SLCO1A2: variants seen among roughly 807,000 people sequenced by gnomAD.
SLCO1A2 encodes solute carrier organic anion transporter family member 1A2.
A neutral mutation model predicts 69.0 loss-of-function variants in SLCO1A2; 67 were observed. The ratio of observed to expected loss-of-function variants is 0.97; its 90% CI spans 0.80 to 1.19. The LOEUF is 1.19. Ranked by LOEUF, SLCO1A2 falls within the 50% of genes most tolerant of loss-of-function variation. SLCO1A2 has a pLI of 0.00. For synonymous variants in SLCO1A2, 260 were observed against 265.9 expected (o/e 0.98, Z 0.22); for missense variants, 787 against 793.7 (o/e 0.99, Z 0.10).
intron 5 of SLCO1A2, among the ~76,000 whole-genome samples, chr12:21,305,841 C>G (rs922546547): frequency 2.0e-5 from 3 of 152,214 alleles, no homozygotes; most frequent in Admixed American, 2.0e-4. Context: ...AAATTCCCAC[C>G]CTTGTGGACT....
chr12:21,305,030 A>T (rs1041655494), intron 5 of SLCO1A2, among the ~76,000 whole-genome samples: 2 of 152,240 alleles, frequency 1.3e-5, no homozygotes, highest in Non-Finnish European at 2.9e-5. Flanking sequence ...CTATATTTAT[A>T]AGATTTAAAC....
At chr12:21,364,466 C>A (rs1939206396) in intron 2 of SLCO1A2, among the ~76,000 whole-genome samples, 1 of 152,164 alleles carries the variant, frequency 6.6e-6, no homozygotes, top group African/African-American at 2.4e-5. Context: ...AAACTGGAAG[C>A]ATTCCCTTTG....
At chr12:21,381,794 CA>C (rs1230475633) in intron 1 of SLCO1A2, among the ~76,000 whole-genome samples, 1 of 150,660 alleles carries the variant, frequency 6.6e-6, no homozygotes, top group Non-Finnish European at 1.5e-5. Context: ...GACTCCGTCT[CA>C]AAAAGAAAAA....
intron 2 of SLCO1A2, among the ~76,000 whole-genome samples, chr12:21,359,709 T>G (rs1346145461): frequency 6.7e-6 from 1 of 150,374 alleles, no homozygotes; most frequent in Non-Finnish European, 1.5e-5. Flanking sequence ...ATCGTGCCAC[T>G]GCACTCCAGC....
chr12:21,334,642 T>C lies in SLCO1A2; in HGVS notation c.6A>G (p.Gly2=). 1 of 1,609,750 alleles carries C rather than the reference T, an allele frequency of 6.2e-7. No homozygotes were observed. The highest frequency in any genetic ancestry group is 8.5e-7 in the Non-Finnish European group (1 of 1,177,588). Residue 2 remains glycine, a synonymous_variant, in exon 2 of 15, where the codon GGA becomes GGG. Transcript: ENST00000683939. ...GGGTTTCAATTCTTTTCTCAGTTTCTCCCATGTTGCTCTTCAGGGTGTTCC... is the reference window on the plus strand; with the variant it reads ...GGGTTTCAATTCTTTTCTCAGTTTCCCCCATGTTGCTCTTCAGGGTGTTCC... M[G]ETEKRIETHR...
At chr12:21,294,270 T>C (rs1947370582) in intron 10 of SLCO1A2, 160 bp from the exon 11 acceptor site, 3 of 522,396 alleles carry the variant, frequency 5.7e-6, no homozygotes, top group Non-Finnish European at 9.8e-6. Context: ...AGCTTTGGTA[T>C]AAAAGAGACC....
In SLCO1A2 at chr12:21,319,585, GT is replaced by G; in HGVS notation, c.61-663del. On this transcript the variant is annotated intron_variant, in intron 2 of 14. Coordinates refer to ENST00000683939, the MANE Select transcript of SLCO1A2 (RefSeq NM_001386879.1). ...GTATTTTCAGGGTTTCTCAGCTGCAGTGTAAATGGAGGACCACACAAAAATG... is the reference window on the plus strand; with the variant it reads ...GTATTTTCAGGGTTTCTCAGCTGCAGGTAAATGGAGGACCACACAAAAATG... 8 of 699,994 alleles carry G rather than the reference GT, an allele frequency of 1.1e-5. No homozygotes were observed. The South Asian group carries it at 1.3e-4, about 11-fold the overall frequency. The allele number at this position is 699,994 out of a possible 1,614,324, so 43.4% of individuals were successfully genotyped here.
At chr12:21,293,909 C>T in intron 11 of SLCO1A2, 36 bp downstream of exon 11, 1 of 1,561,408 alleles carries the variant, frequency 6.4e-7, no homozygotes. Flanking sequence ...AGTACCAATG[C>T]AACTCAAAAA....
intron 1 of SLCO1A2, among the ~76,000 whole-genome samples, chr12:21,410,720 T>C (rs964493670): frequency 5.9e-5 from 9 of 152,200 alleles, no homozygotes. Context: ...CTCTCAGCAG[T>C]AATGTGTCGG....
chr12:21,393,807 A>G (rs1194686266), intron 1 of SLCO1A2, among the ~76,000 whole-genome samples: 1 of 152,256 alleles, frequency 6.6e-6, no homozygotes, highest in African/African-American at 2.4e-5. Flanking sequence ...TGTTTTCAAC[A>G]AACTTGAAAG....
chr12:21,350,922 A>G (rs953109255), intron 2 of SLCO1A2, among the ~76,000 whole-genome samples: 7 of 150,216 alleles, frequency 4.7e-5, no homozygotes, highest in African/African-American at 7.4e-5. Context: ...GTTTTCTTAC[A>G]TATATTTCTG....
chr12:21,360,107 A>T (rs1484684822), intron 2 of SLCO1A2, among the ~76,000 whole-genome samples: 2 of 152,164 alleles, frequency 1.3e-5, no homozygotes, highest in Non-Finnish European at 2.9e-5. Context: ...TAGGAACAAA[A>T]CACACAGCAG....
chr12:21,398,050 A>G (rs1321298052), upstream of SLCO1A2, among the ~76,000 whole-genome samples: 2 of 127,188 alleles, frequency 1.6e-5, no homozygotes, highest in Non-Finnish European at 3.4e-5. Context: ...AAATAGAGAC[A>G]CAAAAAACCC....
chr12:21,400,901 T>A (rs1941677692), intron 1 of SLCO1A2, among the ~76,000 whole-genome samples: 1 of 130,852 alleles, frequency 7.6e-6, no homozygotes. Flanking sequence ...GGGGGAGGGA[T>A]AGCATCGGGA....
At chr12:21,384,664 T>C (rs746382422) in intron 1 of SLCO1A2, among the ~76,000 whole-genome samples, 9 of 151,766 alleles carry the variant, frequency 5.9e-5, no homozygotes, top group Non-Finnish European at 8.8e-5. Context: ...ACCACATAGA[T>C]AACAAACTGC....
Position 21,299,870 on chromosome 12 carries a change from G to A in SLCO1A2, c.910+478C>T, listed in dbSNP as rs146862451. 8.0e-3 allele frequency among the ~76,000 whole-genome samples: 859 copies of A among 107,884 alleles called. 9 individuals carry two copies. The highest frequency in any genetic ancestry group is 0.025 in the African/African-American group (767 of 30,608). The allele number at this position is 107,884 out of a possible 152,430, so 70.8% of individuals were successfully genotyped here. On this transcript the variant is annotated intron_variant, in intron 8 of 14. Transcript: ENST00000683939. ...TATATACGTGTATATATATATACGT[G>A]TGTGTATATATATATACGTGTATAT... is the stretch of plus-strand genomic sequence containing the variant.
chr12:21,381,451 CA>C (rs1229081974), intron 1 of SLCO1A2, among the ~76,000 whole-genome samples: 2 of 152,044 alleles, frequency 1.3e-5, no homozygotes, highest in Non-Finnish European at 2.9e-5. Context: ...AAATGCAAAT[CA>C]AAACCACAGT....
rs139676583 is a variant in SLCO1A2 at position 21,267,097 on chromosome 12, C to A, written c.*2451G>T. The A allele has an allele frequency of 6.6e-6, 1 of 152,050 alleles. No homozygotes were observed. The highest frequency in any genetic ancestry group is 2.4e-5 in the African/African-American group (1 of 41,460). 9.4% of individuals were successfully genotyped at this position (152,050 alleles called of 1,614,324 possible). On this transcript the variant is annotated 3_prime_UTR_variant, in exon 15 of 15. Transcript: ENST00000683939. ...CTAAACTCCCAGGCTTCATGTATACCAACAAAAGAGGTCATGAGGGATCCC... is the reference window on the plus strand; with the variant it reads ...CTAAACTCCCAGGCTTCATGTATACAAACAAAAGAGGTCATGAGGGATCCC...
At chr12:21,400,949 G>A (rs1276320992) in intron 1 of SLCO1A2, among the ~76,000 whole-genome samples, 12 of 149,896 alleles carry the variant, frequency 8.0e-5, no homozygotes, top group Non-Finnish European at 1.8e-4. Context: ...AGTGGGTGCA[G>A]CTCACCAGCA....
Sources: gnomAD v4.1 joint callset for allele counts (sites outside exome capture counted in the v4.1 genomes callset) on GRCh38, gnomAD v4.1.1 for gene constraint, MANE v1.5 for transcripts, NCBI Gene and HGNC (gene_info 2026-07-23, HGNC 2026-07-21) for gene names.